KLHDC4: variants seen among roughly 807,000 people sequenced by gnomAD.
KLHDC4 encodes the protein kelch domain-containing protein 4.
A neutral mutation model predicts 62.4 loss-of-function variants in KLHDC4; 90 were observed. The observed-to-expected ratio is 1.44, with a 90% CI of 1.22 to 1.72. The LOEUF (loss-of-function observed/expected upper bound fraction) is 1.72, where lower values mean the gene tolerates loss of function less well. Among genes scored for constraint, KLHDC4 ranks in the 40% most tolerant of loss-of-function variants. The probability of loss-of-function intolerance (pLI) is 0.00; values close to 1 mark genes in which losing one functional copy is unlikely to be tolerated. For synonymous variants in KLHDC4, 386 were observed against 284.4 expected, an observed-to-expected ratio of 1.36 and a Z score of -3.59; for missense variants, 1,025 against 699.7, an observed-to-expected ratio of 1.47 and a Z score of -5.25.
At chr16:87,749,553 CAAAAA>C (rs74585020) in intron 4 of KLHDC4, among the ~76,000 whole-genome samples, 2 of 76,138 alleles carry the variant, frequency 2.6e-5, no homozygotes, top group Non-Finnish European at 5.2e-5. Context: ...GACTCCATGT[CAAAAA>C]AAAAAAAAAA....
chr16:87,764,698 T>C lies in KLHDC4; in HGVS notation c.99+1094A>G, dbSNP rs375504427. 1.8e-4 allele frequency among the ~76,000 whole-genome samples: 26 copies of C among 144,670 alleles called. No homozygotes were observed. The East Asian group carries it at 5.1e-3, about 28-fold the overall frequency. 94.9% of individuals were successfully genotyped at this position (144,670 alleles called of 152,430 possible). A position where few individuals can be genotyped will look rare whatever the true frequency, so the allele number is the denominator to read the frequency against. ...AAAGCAGAAAGCAGCTAACAGCTGG[T>C]TACTGAGTGCTTACTTTCTGCCAAG... On this transcript the variant is annotated intron_variant, in intron 1 of 11. Transcript: ENST00000270583.
chr16:87,736,513 A>G (rs1567751005), intron 5 of KLHDC4, among the ~76,000 whole-genome samples: 1 of 152,192 alleles, frequency 6.6e-6, no homozygotes, highest in East Asian at 1.9e-4. Context: ...ACAGCCAGGG[A>G]GAGCCGTGTG....
chr16:87,736,779 T>A (rs1393538485), intron 5 of KLHDC4, among the ~76,000 whole-genome samples: 1 of 152,186 alleles, frequency 6.6e-6, no homozygotes, highest in Non-Finnish European at 1.5e-5. Context: ...TATGTGCATT[T>A]ATCCTCACAG....
rs561636067 is a variant in KLHDC4, at chr16:87,736,253, A to G, written c.507-5609T>C. On this transcript the variant is annotated intron_variant, in intron 5 of 11. Transcript: ENST00000270583. ...CCCAGACACTCTAAGCCACTGTAACACAATGGCAAGTAGATGTCTCAACAC... is the reference window on the plus strand; with the variant it reads ...CCCAGACACTCTAAGCCACTGTAACGCAATGGCAAGTAGATGTCTCAACAC... 7.2e-5 allele frequency among the ~76,000 whole-genome samples: 11 copies of G among 152,378 alleles called. No homozygotes were observed. The South Asian group carries it at 8.3e-4, about 11-fold the overall frequency.
intron 5 of KLHDC4, chr16:87,740,653 C>G (rs2042102132): frequency 6.6e-6 from 1 of 152,190 alleles, no homozygotes; most frequent in African/African-American, 2.4e-5. Flanking sequence ...TCCAGTCACT[C>G]TTGCCAATAA....
chr16:87,736,518 C>T (rs1050966258), intron 5 of KLHDC4, among the ~76,000 whole-genome samples: 1 of 152,162 alleles, frequency 6.6e-6, no homozygotes, highest in Admixed American at 6.5e-5. Context: ...CAGGGAGAGC[C>T]GTGTGCATGC....
chr16:87,728,578 G>C (rs2039782241), intron 6 of KLHDC4, among the ~76,000 whole-genome samples: 1 of 152,216 alleles, frequency 6.6e-6, no homozygotes, highest in Non-Finnish European at 1.5e-5. Flanking sequence ...GTTCAAAGGA[G>C]GAAGGGGCTG....
chr16:87,737,449 G>A (rs577847141), intron 5 of KLHDC4, among the ~76,000 whole-genome samples: 7 of 151,124 alleles, frequency 4.6e-5, no homozygotes, highest in East Asian at 3.9e-4. Flanking sequence ...TTAGCCGAGC[G>A]TGGTGGTGCG....
At chr16:87,716,377 C>T (rs948232863) in intron 7 of KLHDC4, among the ~76,000 whole-genome samples, 6 of 152,170 alleles carry the variant, frequency 3.9e-5, no homozygotes, top group Admixed American at 2.0e-4. Context: ...TGGATACTGA[C>T]GCAGAGTTCG....
intron 2 of KLHDC4, among the ~76,000 whole-genome samples, chr16:87,758,358 G>C (rs998235434): frequency 6.6e-6 from 1 of 152,168 alleles, no homozygotes; most frequent in Non-Finnish European, 1.5e-5. Context: ...CCCACAGACG[G>C]AACAGGATTT....
exon 1 of KLHDC4, chr16:87,701,773 G>A (rs138638908): frequency 4.4e-5 from 20 of 456,700 alleles, no homozygotes; most frequent in African/African-American, 1.4e-4. Context: ...GTGCACACCC[G>A]TCCGCCATCC....
Position 87,711,277 on chromosome 16 carries a change from G to C in KLHDC4, c.1002C>G (p.Phe334Leu), listed in dbSNP as rs376043994. ...LSGEFFNDLY[F>L]YDATRNRWFE... ...ACCAACGGTTCCTGGTGGCGTCGTA[G>C]AAGTACAGATCGTTGAAGAACTCGC... is the stretch of plus-strand genomic sequence containing the variant. The change falls in exon 9 of 12, where the codon TTC becomes TTG. Residue 334 changes from phenylalanine to leucine, a missense_variant. By Grantham distance (22) the Phe-to-Leu change is conservative. Coordinates refer to ENST00000270583, the MANE Select transcript of KLHDC4 (RefSeq NM_017566.4). The C allele has an allele frequency of 2.5e-6, 4 of 1,614,036 alleles. No homozygotes were observed. The African/African-American group carries it at 4.0e-5, about 16-fold the overall frequency.
chr16:87,748,310 A>G (rs2043347964), intron 5 of KLHDC4, among the ~76,000 whole-genome samples: 2 of 152,232 alleles, frequency 1.3e-5, no homozygotes, highest in South Asian at 4.1e-4. Context: ...CTTTTAGTCA[A>G]TGACACATCG....
At chr16:87,730,444 T>G in intron 6 of KLHDC4, 108 bp downstream of exon 6, 1 of 928,006 alleles carries the variant, frequency 1.1e-6, no homozygotes, top group Admixed American at 2.7e-5. Context: ...TGAAGCTGGA[T>G]TTGGGAGGAT....
chr16:87,701,858 C>A (rs1342356176), exon 1 of KLHDC4: 1 of 456,654 alleles, frequency 2.2e-6, no homozygotes, highest in Non-Finnish European at 4.4e-6. Context: ...GCCATCCACA[C>A]CGAGGAAGCC....
At chr16:87,707,708 C>T (rs1315050837), downstream of KLHDC4, 5 of 239,198 alleles carry the variant, frequency 2.1e-5, no homozygotes, top group Non-Finnish European at 4.2e-5. Flanking sequence ...TTCCACCCTC[C>T]AGTGTGGGGT....
chr16:87,710,094 A>T (rs1327468806), intron 9 of KLHDC4: 2 of 172,188 alleles, frequency 1.2e-5, no homozygotes, highest in Non-Finnish European at 2.5e-5. Flanking sequence ...TTCCCAAGCA[A>T]GACAGACGGT....
Position 87,726,878 on chromosome 16 carries a change from A to C in KLHDC4, c.646T>G (p.Phe216Val). The C allele has an allele frequency of 6.2e-7, 1 of 1,613,862 alleles. No homozygotes were observed. Among genetic ancestry groups the C allele is most frequent in the Non-Finnish European group, 8.5e-7 (1 of 1,179,898 alleles). The change falls in exon 7 of 12, where the codon TTC becomes GTC. Residue 216 changes from phenylalanine (F) to valine (V), a missense_variant. Phe to Val is a conservative substitution (Grantham distance 50). Coordinates refer to ENST00000270583, the MANE Select transcript of KLHDC4 (RefSeq NM_017566.4). Reference protein sequence around the residue: ...NDVYAFNLDTFTWSKLSPSGT... With the variant: ...NDVYAFNLDTVTWSKLSPSGT... ...GACGGGGACAGCTTGCTCCATGTGA[A>C]GGTGTCCAGATTAAAGGCATACACG...
At chr16:87,745,798 G>C (rs1434106064) in intron 5 of KLHDC4, among the ~76,000 whole-genome samples, 1 of 152,194 alleles carries the variant, frequency 6.6e-6, no homozygotes, top group Non-Finnish European at 1.5e-5. Flanking sequence ...AGAGAATGCG[G>C]AAAGGGACAC....
Sources: gnomAD v4.1 joint callset for allele counts (sites outside exome capture counted in the v4.1 genomes callset) on GRCh38, gnomAD v4.1.1 for gene constraint, MANE v1.5 for transcripts, NCBI Gene and HGNC (gene_info 2026-07-23, HGNC 2026-07-21) for gene names.